BCAS3: variants seen among roughly 807,000 people sequenced by gnomAD.
BCAS3 encodes BCAS4/BCAS3 fusion.
A neutral mutation model predicts 116.1 loss-of-function variants in BCAS3; 53 were observed. The observed-to-expected ratio is 0.46, with a 90% CI of 0.37 to 0.57. The LOEUF is 0.57. Ranked by LOEUF, BCAS3 falls within the 20% of genes least tolerant of loss-of-function variation. The pLI is 0.00. For synonymous variants in BCAS3, 391 were observed against 408.2 expected (o/e 0.96, Z 0.51); for missense variants, 917 against 1,165.4 (o/e 0.79, Z 3.10).
intron 11 of BCAS3, among the ~76,000 whole-genome samples, chr17:60,908,784 T>G (rs1014073232): frequency 6.6e-6 from 1 of 152,374 alleles, no homozygotes; most frequent in East Asian, 1.9e-4. Context: ...ATTATATCTT[T>G]TTATTTGAAT....
At chr17:60,680,234 T>C (rs1597991550) in intron 2 of BCAS3, among the ~76,000 whole-genome samples, 1 of 151,922 alleles carries the variant, frequency 6.6e-6, no homozygotes, top group Non-Finnish European at 1.5e-5. Context: ...CACATAAATA[T>C]GTTCATGTGT....
Position 61,268,938 on chromosome 17 carries a change from A to T in BCAS3, c.2426-99389A>T, listed in dbSNP as rs1602306119. 2.0e-5 allele frequency among the ~76,000 whole-genome samples: 3 copies of T among 151,832 alleles called. No homozygotes were observed. The South Asian group carries it at 6.3e-4, about 32-fold the overall frequency. ...CATCCATGTTGTAGCATATGGCAGGATTTCCTTTTTTTTTAAGGCTGAATA... is the reference window on the plus strand; with the variant it reads ...CATCCATGTTGTAGCATATGGCAGGTTTTCCTTTTTTTTTAAGGCTGAATA... On this transcript the variant is annotated intron_variant, in intron 22 of 23. Coordinates refer to ENST00000407086, the MANE Select transcript of BCAS3 (RefSeq NM_017679.5).
intron 22 of BCAS3, among the ~76,000 whole-genome samples, chr17:61,237,563 A>T (rs2083164224): frequency 6.6e-6 from 1 of 152,192 alleles, no homozygotes; most frequent in Non-Finnish European, 1.5e-5. Flanking sequence ...CACCTTTAAG[A>T]GCTGTAACAC....
intron 14 of BCAS3, among the ~76,000 whole-genome samples, chr17:60,969,710 C>T (rs1487048151): frequency 6.6e-6 from 1 of 152,120 alleles, no homozygotes; most frequent in African/African-American, 2.4e-5. Flanking sequence ...TTAAGTACAA[C>T]AAAAACCATG....
chr17:61,291,991 T>G (rs2052459815), intron 22 of BCAS3, among the ~76,000 whole-genome samples: 1 of 152,098 alleles, frequency 6.6e-6, no homozygotes, highest in African/African-American at 2.4e-5. Flanking sequence ...GCATTTAGTG[T>G]TTTATTAGGA....
intron 22 of BCAS3, among the ~76,000 whole-genome samples, chr17:61,246,202 C>T (rs1283910306): frequency 3.9e-5 from 6 of 151,914 alleles, no homozygotes; most frequent in Non-Finnish European, 7.4e-5. Flanking sequence ...TTGCTATGGC[C>T]GGGTACAGTG....
intron 16 of BCAS3, among the ~76,000 whole-genome samples, chr17:61,033,908 A>G (rs1029227082): frequency 6.6e-6 from 1 of 152,222 alleles, no homozygotes; most frequent in Non-Finnish European, 1.5e-5. Flanking sequence ...AGTGACAGGA[A>G]GTAATGGCAG....
rs1308342325 is a variant in BCAS3 at position 61,364,149 on chromosome 17, A to G, written c.2426-4178A>G. Among the ~76,000 whole-genome samples the G allele has an allele frequency of 6.6e-6, 1 of 152,238 alleles. No homozygotes were observed. The highest frequency in any genetic ancestry group is 1.9e-4 in the East Asian group (1 of 5,202). Reference sequence around the variant, plus strand: ...CCTCTCTATGACGTCTCAGGACGGTAGAAATGATCAGGTGCTTCTTTGCTG... The same window carrying G: ...CCTCTCTATGACGTCTCAGGACGGTGGAAATGATCAGGTGCTTCTTTGCTG... On this transcript the variant is annotated intron_variant, in intron 22 of 23. Transcript: ENST00000407086. This position sits in a 1 kb window ranked among gnomAD's most constrained non-coding sequence, Gnocchi z 5.4.
intron 6 of BCAS3, among the ~76,000 whole-genome samples, chr17:60,749,790 A>G (rs543943385): frequency 5.3e-5 from 8 of 152,338 alleles, no homozygotes; most frequent in Non-Finnish European, 1.0e-4. Flanking sequence ...AGTAGCAAAT[A>G]GAATCCAATG....
chr17:60,806,858 T>C lies in BCAS3; in HGVS notation c.404-1146T>C, dbSNP rs184757723. ...TTCATATGATTCAGAACCATTTATA[T>C]TTCCTGACTTTACTTTTTTTGCTTC... On this transcript the variant is annotated intron_variant, in intron 6 of 23. Transcript: ENST00000407086. Among the ~76,000 whole-genome samples, 67 of 152,306 alleles carry C rather than the reference T, an allele frequency of 4.4e-4. 1 individual carries two copies. The East Asian group carries it at 0.011, about 25-fold the overall frequency.
At chr17:61,336,458 A>G (rs745628427) in intron 22 of BCAS3, among the ~76,000 whole-genome samples, 1 of 151,948 alleles carries the variant, frequency 6.6e-6, no homozygotes, top group African/African-American at 2.4e-5. Flanking sequence ...GGAGAGCTTC[A>G]AGCTTTCTTC....
Position 61,041,802 on chromosome 17 carries a change from A to C in BCAS3, c.2029+910A>C, listed in dbSNP as rs2067531580. 6.6e-6 allele frequency among the ~76,000 whole-genome samples: 1 copy of C among 151,992 alleles called. No individual in the cohort carries two copies. The highest frequency in any genetic ancestry group is 2.4e-5 in the African/African-American group (1 of 41,418). ...GTTATGAAACTCTATAACTGTAATC[A>C]ATAGTTGGCAGTCTTGCTCTCTCAT... On this transcript the variant is annotated intron_variant, in intron 19 of 23. Coordinates refer to ENST00000407086, the MANE Select transcript of BCAS3 (RefSeq NM_017679.5). The surrounding 1 kb of genome is among the most constrained non-coding windows in gnomAD (Gnocchi z 4.7).
intron 19 of BCAS3, among the ~76,000 whole-genome samples, chr17:61,046,079 T>TTA (rs2068283324): frequency 5.9e-5 from 2 of 34,138 alleles, no homozygotes; most frequent in African/African-American, 5.8e-4. Context: ...AATATATATA[T>TTA]ATTTATATAT....
intron 7 of BCAS3, among the ~76,000 whole-genome samples, chr17:60,856,068 G>T (rs1239880435): frequency 2.0e-5 from 3 of 152,122 alleles, no homozygotes; most frequent in African/African-American, 7.2e-5. Flanking sequence ...GTTAAAAGAA[G>T]GCCATCAAGA....
chr17:61,019,145 A>T lies in BCAS3; in HGVS notation c.1637+3244A>T, dbSNP rs750853550. Among the ~76,000 whole-genome samples the T allele has an allele frequency of 2.6e-5, 4 of 152,196 alleles. No individual in the cohort carries two copies. Among genetic ancestry groups the T allele is most frequent in the Non-Finnish European group, 5.9e-5 (4 of 68,042 alleles). On this transcript the variant is annotated intron_variant, in intron 16 of 23. Transcript: ENST00000407086. This position sits in a 1 kb window ranked among gnomAD's most constrained non-coding sequence, Gnocchi z 5.6. ...GTTAGGAACTGAGCCGCACAGCAGG[A>T]GGTGAACAACAGGCGAGTGAGCATC...
Position 61,378,814 on chromosome 17 carries a change from A to G in BCAS3, c.2593+10320A>G, listed in dbSNP as rs999626806. ...TCTCAAATCTGATTCTGGGTAGATCATTTCCCCCACCCCACCTTCGTCACT... is the reference window on the plus strand; with the variant it reads ...TCTCAAATCTGATTCTGGGTAGATCGTTTCCCCCACCCCACCTTCGTCACT... On this transcript the variant is annotated intron_variant, in intron 23 of 23. Coordinates refer to ENST00000407086, the MANE Select transcript of BCAS3 (RefSeq NM_017679.5). The surrounding 1 kb of genome is among the most constrained non-coding windows in gnomAD (Gnocchi z 5.8). 3.3e-5 allele frequency: 5 copies of G among 152,188 alleles called. No individual in the cohort carries two copies. Among genetic ancestry groups the G allele is most frequent in the Non-Finnish European group, 7.3e-5 (5 of 68,088 alleles). 9.4% of individuals were successfully genotyped at this position (152,188 alleles called of 1,614,324 possible).
At chr17:60,915,795 G>GTC (rs2145122606) in intron 12 of BCAS3, among the ~76,000 whole-genome samples, 1 of 151,126 alleles carries the variant, frequency 6.6e-6, no homozygotes, top group Admixed American at 6.6e-5. Context: ...CCATTCTCCT[G>GTC]TCTCAGCCTC....
Position 61,356,926 on chromosome 17 carries a change from A to G in BCAS3, c.2426-11401A>G, listed in dbSNP as rs906508957. The stretch of plus-strand genomic sequence containing the variant: ...ACATGGGCCATGGAGCTGCAGGCTC[A>G]CCTGCCCCCGGCTGAGTCAGGACCG... On this transcript the variant is annotated intron_variant, in intron 22 of 23. Transcript: ENST00000407086. This position sits in a 1 kb window ranked among gnomAD's most constrained non-coding sequence, Gnocchi z 5.4. 1 of 152,224 alleles carries G rather than the reference A, an allele frequency of 6.6e-6. No individual in the cohort carries two copies. The highest frequency in any genetic ancestry group is 1.5e-5 in the Non-Finnish European group (1 of 68,054). 9.4% of individuals were successfully genotyped at this position (152,224 alleles called of 1,614,324 possible).
rs1427511305 is a variant in BCAS3 at position 61,313,999 on chromosome 17, A to G, written c.2426-54328A>G. On this transcript the variant is annotated intron_variant, in intron 22 of 23. Coordinates refer to ENST00000407086, the MANE Select transcript of BCAS3 (RefSeq NM_017679.5). This position sits in a 1 kb window ranked among gnomAD's most constrained non-coding sequence, Gnocchi z 4.3. ...CTCTTTTCCATTCAAAGAAAATCTTACTTGCCTTCTGCCCAACAATTTATC... is the reference window on the plus strand; with the variant it reads ...CTCTTTTCCATTCAAAGAAAATCTTGCTTGCCTTCTGCCCAACAATTTATC... 6.6e-6 allele frequency among the ~76,000 whole-genome samples: 1 copy of G among 152,190 alleles called. No individual in the cohort carries two copies. The highest frequency in any genetic ancestry group is 1.5e-5 in the Non-Finnish European group (1 of 68,024).
Sources: gnomAD v4.1 joint callset for allele counts (sites outside exome capture counted in the v4.1 genomes callset) on GRCh38, gnomAD v4.1.1 for gene constraint, Gnocchi (gnomAD v3.1) non-coding constraint, MANE v1.5 for transcripts, NCBI Gene and HGNC (gene_info 2026-07-23, HGNC 2026-07-21) for gene names.